The following MYBL2 variants were observed in gnomAD, a reference collection of about 807,000 sequenced individuals.
MYBL2 encodes myb-related protein B.
In MYBL2, 28 loss-of-function variants were observed where a neutral mutation model predicts 79.9. That is an observed-to-expected ratio of 0.35 (90% CI 0.26 to 0.48). The LOEUF (loss-of-function observed/expected upper bound fraction) is 0.48, where lower values mean the gene tolerates loss of function less well. Among genes scored for constraint, MYBL2 ranks in the 20% least tolerant of loss-of-function variants. The probability of loss-of-function intolerance (pLI) is 0.99; values close to 1 mark genes in which losing one functional copy is unlikely to be tolerated. For synonymous variants in MYBL2, 378 were observed against 361.2 expected, an observed-to-expected ratio of 1.05 and a Z score of -0.53; for missense variants, 735 against 893.9, an observed-to-expected ratio of 0.82 and a Z score of 2.27.
intron 8 of MYBL2, 89 bp downstream of exon 8, chr20:43,702,992 G>A: frequency 7.2e-7 from 1 of 1,387,852 alleles, no homozygotes; most frequent in Non-Finnish European, 9.8e-7. Context: ...ACGAGACCTG[G>A]CTCTGCCCTC....
intron 2 of MYBL2, among the ~76,000 whole-genome samples, chr20:43,680,373 A>G (rs76823617): frequency 0.011 from 1,682 of 152,220 alleles, 24 homozygotes; most frequent in African/African-American, 0.03. Context: ...AATCCTGAGT[A>G]TTTGCCCTGT....
chr20:43,694,808 T>C (rs936054203), intron 6 of MYBL2, among the ~76,000 whole-genome samples: 2 of 152,212 alleles, frequency 1.3e-5, no homozygotes, highest in African/African-American at 4.8e-5. Context: ...TACTTCTGAT[T>C]GAAGAAAAGG....
At chr20:43,668,168 T>G (rs1986767813) in intron 1 of MYBL2, among the ~76,000 whole-genome samples, 1 of 150,550 alleles carries the variant, frequency 6.6e-6, no homozygotes, top group South Asian at 2.1e-4. Flanking sequence ...CCTGGATCGC[T>G]GCAGCTCAGA....
At chr20:43,685,856 G>A (rs1987260475) in intron 4 of MYBL2, among the ~76,000 whole-genome samples, 1 of 151,816 alleles carries the variant, frequency 6.6e-6, no homozygotes, top group African/African-American at 2.4e-5. Context: ...TTATCAACAT[G>A]GAGAAACCCC....
intron 12 of MYBL2, 26 bp downstream of exon 12, chr20:43,713,132 T>C (rs1426204490): frequency 1.9e-6 from 3 of 1,593,580 alleles, no homozygotes; most frequent in Non-Finnish European, 2.6e-6. Context: ...CTTGGAACTG[T>C]TGAGTTTTGG....
At chr20:43,677,048 T>C (rs1405399061) in intron 2 of MYBL2, among the ~76,000 whole-genome samples, 1 of 152,220 alleles carries the variant, frequency 6.6e-6, no homozygotes, top group Non-Finnish European at 1.5e-5. Context: ...CTAGCTTGTT[T>C]TGTTTTTTCT....
intron 8 of MYBL2, among the ~76,000 whole-genome samples, chr20:43,703,662 C>T (rs922576426): frequency 2.6e-5 from 4 of 152,126 alleles, no homozygotes; most frequent in African/African-American, 7.2e-5. Flanking sequence ...CTTTGGCTCT[C>T]ATTAGGTTTG....
intron 2 of MYBL2, among the ~76,000 whole-genome samples, chr20:43,679,987 C>T (rs1987106188): frequency 6.6e-6 from 1 of 151,046 alleles, no homozygotes; most frequent in South Asian, 2.1e-4. Context: ...CAGCCCTTGG[C>T]AGCTATCTTT....
At chr20:43,681,752 G>A (rs775194252) in intron 2 of MYBL2, 32 bp from the exon 3 acceptor site, 6 of 1,613,236 alleles carry the variant, frequency 3.7e-6, no homozygotes, top group South Asian at 3.3e-5. Flanking sequence ...GCACGTATGT[G>A]TGCTGAGCCC....
rs1987010813 is a variant in MYBL2, at chr20:43,676,385, C to G, written c.114+2486C>G. On this transcript the variant is annotated intron_variant, in intron 2 of 13. Coordinates refer to ENST00000217026, the MANE Select transcript of MYBL2 (RefSeq NM_002466.4). ...AATATGCGGTATTTGGTTTTCTGTTCCTGTGTTTGCTTAGGATAATATGTT... is the reference window on the plus strand; with the variant it reads ...AATATGCGGTATTTGGTTTTCTGTTGCTGTGTTTGCTTAGGATAATATGTT... Among the ~76,000 whole-genome samples, 2 of 151,982 alleles carry G rather than the reference C, an allele frequency of 1.3e-5. 1 individual carries two copies. The highest frequency in any genetic ancestry group is 1.3e-4 in the Admixed American group (2 of 15,200).
At chr20:43,676,962 C>T (rs1417931265) in intron 2 of MYBL2, among the ~76,000 whole-genome samples, 1 of 151,864 alleles carries the variant, frequency 6.6e-6, no homozygotes, top group African/African-American at 2.4e-5. Flanking sequence ...GTTGCCCAGG[C>T]TGGTCTCCTG....
intron 4 of MYBL2, among the ~76,000 whole-genome samples, chr20:43,685,236 A>G (rs1987244502): frequency 6.6e-6 from 1 of 151,680 alleles, no homozygotes. Flanking sequence ...GCTGGAGTGC[A>G]GTGGCATGAT....
chr20:43,700,171 C>T (rs1305591807), intron 7 of MYBL2, 127 bp downstream of exon 7: 4 of 1,306,994 alleles, frequency 3.1e-6, no homozygotes, highest in Non-Finnish European at 4.2e-6. Flanking sequence ...ATGCTGAATG[C>T]CTAGCCCTGA....
At chr20:43,667,755 A>G (rs746219728) in intron 1 of MYBL2, among the ~76,000 whole-genome samples, 2 of 152,056 alleles carry the variant, frequency 1.3e-5, no homozygotes, top group Admixed American at 1.3e-4. Flanking sequence ...TTTTGGGTCA[A>G]CTTGGTGGGT....
At chr20:43,671,463 ATTTTT>A (rs376522569) in intron 1 of MYBL2, among the ~76,000 whole-genome samples, 72 of 70,866 alleles carry the variant, frequency 1.0e-3, no homozygotes, top group African/African-American at 4.0e-3. Flanking sequence ...GCTGATTTCC[ATTTTT>A]TTTTTTTTTT....
At chr20:43,713,465 G>T (rs1276275860) in intron 12 of MYBL2, among the ~76,000 whole-genome samples, 1 of 149,266 alleles carries the variant, frequency 6.7e-6, no homozygotes, top group African/African-American at 2.5e-5. Flanking sequence ...TCGGCTCACT[G>T]CAACCTCCGT....
intron 7 of MYBL2, among the ~76,000 whole-genome samples, chr20:43,701,309 C>T (rs1469482441): frequency 6.6e-6 from 1 of 152,210 alleles, no homozygotes; most frequent in Non-Finnish European, 1.5e-5. Flanking sequence ...ACTGTCGGTG[C>T]TGGGTCCTCC....
chr20:43,699,609 A>C, intron 6 of MYBL2, 148 bp from the exon 7 acceptor site: 1 of 839,322 alleles, frequency 1.2e-6, no homozygotes. Flanking sequence ...TTGGAAGTAT[A>C]TGGTATGGCT....
chr20:43,694,114 C>T lies in MYBL2; in HGVS notation c.663+1795C>T, dbSNP rs540564005. ...TTGGGAGGCCGAGGCGGGTGGATCA[C>T]GAGGACAGGAGATTGAGACCATCCT... On this transcript the variant is annotated intron_variant, in intron 6 of 13. Coordinates refer to ENST00000217026, the MANE Select transcript of MYBL2 (RefSeq NM_002466.4). 3.9e-5 allele frequency among the ~76,000 whole-genome samples: 6 copies of T among 151,942 alleles called. 1 individual carries two copies. Among genetic ancestry groups the T allele is most frequent in the African/African-American group, 1.2e-4 (5 of 41,434 alleles).
Sources: gnomAD v4.1 joint callset for allele counts (sites outside exome capture counted in the v4.1 genomes callset) on GRCh38, gnomAD v4.1.1 for gene constraint, MANE v1.5 for transcripts, NCBI Gene and HGNC (gene_info 2026-07-23, HGNC 2026-07-21) for gene names.